The following ARHGAP44 variants were observed in gnomAD, a reference collection of about 807,000 sequenced individuals.
The protein encoded by ARHGAP44 is rho GTPase-activating protein 44.
ARHGAP44 carries 43 observed loss-of-function variants against 106.8 expected under a neutral mutation model. That is an observed-to-expected ratio of 0.40 (90% confidence interval 0.32 to 0.52). The LOEUF (loss-of-function observed/expected upper bound fraction) is 0.52, where lower values mean the gene tolerates loss of function less well. ARHGAP44 is among the 20% of genes least tolerant of loss of function. The probability of loss-of-function intolerance (pLI) is 0.48; values close to 1 mark genes in which losing one functional copy is unlikely to be tolerated. For synonymous variants in ARHGAP44, 439 were observed against 410.3 expected, an observed-to-expected ratio of 1.07 and a Z score of -0.85; for missense variants, 866 against 1,050.5, an observed-to-expected ratio of 0.82 and a Z score of 2.43.
intron 16 of ARHGAP44, among the ~76,000 whole-genome samples, chr17:12,967,755 TC>T (rs765514751): frequency 6.6e-6 from 1 of 152,140 alleles, no homozygotes; most frequent in African/African-American, 2.4e-5. Flanking sequence ...CTGGGCCTAA[TC>T]CTCTCCCTGT....
chr17:12,959,699 C>T (rs1040859256), intron 16 of ARHGAP44, among the ~76,000 whole-genome samples: 4 of 152,254 alleles, frequency 2.6e-5, no homozygotes, highest in African/African-American at 4.8e-5. Flanking sequence ...AGGAGGGGAT[C>T]GTCTTGGTTG....
At chr17:12,925,094 A>C (rs1485856407) in intron 6 of ARHGAP44, among the ~76,000 whole-genome samples, 1 of 152,056 alleles carries the variant, frequency 6.6e-6, no homozygotes, top group Non-Finnish European at 1.5e-5. Flanking sequence ...CTCCCCATAC[A>C]GGTGTCTTTT....
chr17:12,799,976 G>A (rs1177759601), intron 1 of ARHGAP44, among the ~76,000 whole-genome samples: 1 of 152,076 alleles, frequency 6.6e-6, no homozygotes, highest in Admixed American at 6.6e-5. Flanking sequence ...ATAGGGAGAG[G>A]AATAATGAAG....
rs113736827 is a variant in ARHGAP44 at position 12,973,154 on chromosome 17, T to G, written c.1524-148T>G. On this transcript the variant is annotated intron_variant, in intron 16 of 20. Transcript: ENST00000379672. ...GGAGAGTCACTTTAGAGAGACCAAC[T>G]AAATTGTAATAATTTTATAGCACAA... 22 of 772,942 alleles carry G rather than the reference T, an allele frequency of 2.8e-5. 1 individual carries two copies. The highest frequency in any genetic ancestry group is 2.3e-4 in the African/African-American group (13 of 57,126). The allele number at this position is 772,942 out of a possible 1,614,324, so 47.9% of individuals were successfully genotyped here. A position where few individuals can be genotyped will look rare whatever the true frequency, so the allele number is the denominator to read the frequency against.
At chr17:12,813,005 C>T (rs1280656818) in intron 1 of ARHGAP44, among the ~76,000 whole-genome samples, 1 of 152,208 alleles carries the variant, frequency 6.6e-6, no homozygotes, top group African/African-American at 2.4e-5. Flanking sequence ...ATGCAAGGGC[C>T]TTGGAGTAAT....
At chr17:12,837,949 G>A (rs1018916298) in intron 1 of ARHGAP44, among the ~76,000 whole-genome samples, 13 of 152,044 alleles carry the variant, frequency 8.6e-5, no homozygotes, top group African/African-American at 2.9e-4. Flanking sequence ...GACTTCTCCA[G>A]CATCCTCCCT....
intron 6 of ARHGAP44, among the ~76,000 whole-genome samples, 193 bp downstream of exon 6, chr17:12,920,024 G>T (rs926202738): frequency 1.3e-5 from 2 of 152,094 alleles, no homozygotes; most frequent in African/African-American, 4.8e-5. Context: ...CTGCAGTTGA[G>T]TTTTGGAGGT....
At chr17:12,896,298 AG>A in intron 2 of ARHGAP44, 108 bp from the exon 3 acceptor site, 1 of 847,846 alleles carries the variant, frequency 1.2e-6, no homozygotes, top group South Asian at 1.7e-5. Flanking sequence ...CTGTCTCTCC[AG>A]GAGTCCTTGT....
intron 1 of ARHGAP44, among the ~76,000 whole-genome samples, chr17:12,847,498 A>C (rs973949013): frequency 2.0e-5 from 3 of 148,696 alleles, no homozygotes; most frequent in Admixed American, 6.7e-5. Flanking sequence ...ACCTTCCTTC[A>C]AGCTACCATC....
At chr17:12,792,580 T>TAA (rs1339652633) in intron 1 of ARHGAP44, among the ~76,000 whole-genome samples, 1 of 152,220 alleles carries the variant, frequency 6.6e-6, no homozygotes, top group Non-Finnish European at 1.5e-5. Flanking sequence ...GTTAATTTCT[T>TAA]AAATCAGTAG....
At chr17:12,827,829 AGGAGTTCAAGACCAG>A (rs2034965424) in intron 1 of ARHGAP44, among the ~76,000 whole-genome samples, 1 of 152,060 alleles carries the variant, frequency 6.6e-6, no homozygotes, top group African/African-American at 2.4e-5. Context: ...TCTTGAGGTC[AGGAGTTCAAGACCAG>A]CCTGGCCAAC....
At chr17:12,938,582 T>TTAAAAAAAAAAAAA (rs376200698) in intron 7 of ARHGAP44, among the ~76,000 whole-genome samples, 1 of 127,002 alleles carries the variant, frequency 7.9e-6, no homozygotes, top group Non-Finnish European at 1.7e-5. Context: ...AGCTATATAT[T>TTAAAAAAAAAAAAA]AAAAAAAAAA....
At chr17:12,929,472 A>G (rs1434598515) in intron 7 of ARHGAP44, 6 of 156,300 alleles carry the variant, frequency 3.8e-5, no homozygotes, top group Admixed American at 6.2e-5. Context: ...TATCCATCCT[A>G]TGCCTCCTGG....
chr17:12,847,600 G>A (rs1396866343), intron 1 of ARHGAP44, among the ~76,000 whole-genome samples: 3 of 142,112 alleles, frequency 2.1e-5, no homozygotes, highest in Non-Finnish European at 3.0e-5. Context: ...TGCAAGCTCC[G>A]CCTCCTGGGT....
intron 1 of ARHGAP44, among the ~76,000 whole-genome samples, chr17:12,816,966 T>C (rs1291644497): frequency 1.3e-5 from 2 of 152,196 alleles, no homozygotes; most frequent in African/African-American, 4.8e-5. Context: ...AGAGGATACA[T>C]ATTCTTTTCT....
chr17:12,885,732 T>A (rs1426086853), intron 1 of ARHGAP44, among the ~76,000 whole-genome samples: 1 of 152,230 alleles, frequency 6.6e-6, no homozygotes. Context: ...TTGTTAAGTT[T>A]CAGAGTTCTT....
At chr17:12,931,781 G>A (rs1044186443) in intron 7 of ARHGAP44, among the ~76,000 whole-genome samples, 5 of 151,752 alleles carry the variant, frequency 3.3e-5, no homozygotes, top group Non-Finnish European at 7.4e-5. Context: ...TTACAGGCAT[G>A]AGCCACCGCA....
At chr17:12,976,300 A>G (rs2039680222) in intron 18 of ARHGAP44, among the ~76,000 whole-genome samples, 1 of 151,842 alleles carries the variant, frequency 6.6e-6, no homozygotes, top group Admixed American at 6.6e-5. Context: ...TTTTTGTTTT[A>G]TTTTGTTTAA....
At chr17:12,852,034 G>C (rs2035760015) in intron 1 of ARHGAP44, among the ~76,000 whole-genome samples, 1 of 150,780 alleles carries the variant, frequency 6.6e-6, no homozygotes, top group South Asian at 2.1e-4. Flanking sequence ...CCACCTCAAG[G>C]GTTCTTGGAG....
Sources: gnomAD v4.1 joint callset for allele counts (sites outside exome capture counted in the v4.1 genomes callset) on GRCh38, gnomAD v4.1.1 for gene constraint, MANE v1.5 for transcripts, NCBI Gene and HGNC (gene_info 2026-07-23, HGNC 2026-07-21) for gene names.